The following NCOA7 variants were observed in gnomAD, a reference collection of about 807,000 sequenced individuals.
NCOA7 encodes 140 kDa estrogen receptor-associated protein.
Under a neutral mutation model 104.3 loss-of-function variants are expected in NCOA7, and 45 were observed. That is an observed-to-expected ratio of 0.43 (90% CI 0.34 to 0.55). NCOA7 has a LOEUF of 0.55. Ranked by LOEUF, NCOA7 falls within the 20% of genes least tolerant of loss-of-function variation. NCOA7 has a pLI of 0.02. For synonymous variants in NCOA7, 398 were observed against 402.3 expected (o/e 0.99, Z 0.13); for missense variants, 1,041 against 1,119.7 (o/e 0.93, Z 1.00).
intron 2 of NCOA7, among the ~76,000 whole-genome samples, chr6:125,854,475 G>A (rs1781385196): frequency 6.6e-6 from 1 of 152,140 alleles, no homozygotes; most frequent in Non-Finnish European, 1.5e-5. Flanking sequence ...TTTAGGAAAT[G>A]CAGCTCTTTC....
At chr6:125,919,524 A>G in intron 11 of NCOA7, 1 of 1,267,754 alleles carries the variant, frequency 7.9e-7, no homozygotes, top group Non-Finnish European at 1.1e-6. Flanking sequence ...TCTAATTAGA[A>G]AGGATTGTGC....
At chr6:125,784,781 CCAAT>C (rs1774381334) in intron 1 of NCOA7, among the ~76,000 whole-genome samples, 2 of 152,084 alleles carry the variant, frequency 1.3e-5, no homozygotes, top group Non-Finnish European at 2.9e-5. Context: ...AGGAAAAAAG[CCAAT>C]CTAAAAGGTT....
At chr6:125,793,845 A>G (rs1775066194) in intron 1 of NCOA7, among the ~76,000 whole-genome samples, 1 of 152,200 alleles carries the variant, frequency 6.6e-6, no homozygotes, top group Admixed American at 6.5e-5. Flanking sequence ...ATAAAGAGTG[A>G]TTGTTGTCTA....
At chr6:125,903,389 A>G (rs1175071527) in intron 10 of NCOA7, among the ~76,000 whole-genome samples, 1 of 152,018 alleles carries the variant, frequency 6.6e-6, no homozygotes, top group Non-Finnish European at 1.5e-5. Context: ...TTTCTAGTTG[A>G]TCCTGTCTCT....
chr6:125,887,466 A>G (rs1262714292), intron 8 of NCOA7, among the ~76,000 whole-genome samples: 1 of 152,244 alleles, frequency 6.6e-6, no homozygotes, highest in Non-Finnish European at 1.5e-5. Flanking sequence ...TGTATTTCAG[A>G]ATATAGCACT....
At chr6:125,868,769 TTTGCCTC>T in intron 3 of NCOA7, among the ~76,000 whole-genome samples, 1 of 152,328 alleles carries the variant, frequency 6.6e-6, no homozygotes, top group South Asian at 2.1e-4. Context: ...ACAGACAATT[TTTGCCTC>T]TTTGAATTCC....
chr6:125,833,576 A>AAAAGG (rs1294690857), intron 2 of NCOA7, among the ~76,000 whole-genome samples: 1 of 141,704 alleles, frequency 7.1e-6, no homozygotes, highest in Non-Finnish European at 1.5e-5. Context: ...CTGTCAAAAG[A>AAAAGG]AAAGGAAAGG....
chr6:125,797,204 A>T (rs1775419925), intron 1 of NCOA7, among the ~76,000 whole-genome samples: 1 of 152,192 alleles, frequency 6.6e-6, no homozygotes, highest in Non-Finnish European at 1.5e-5. Flanking sequence ...AAAGGATTGA[A>T]CATTGACCCT....
At chr6:125,830,737 A>ATGTGTGTGTGTGTGTGTGTGTGTGTGTG (rs890797445) in intron 2 of NCOA7, among the ~76,000 whole-genome samples, 1 of 93,046 alleles carries the variant, frequency 1.1e-5, no homozygotes, top group African/African-American at 4.4e-5. Context: ...ATATATATAT[A>ATGTGTGTGTGTGTGTGTGTGTGTGTGTG]TGTGTGTGTG....
intron 10 of NCOA7, 25 bp downstream of exon 10, chr6:125,890,835 T>A: frequency 1.3e-6 from 2 of 1,506,738 alleles, no homozygotes; most frequent in Non-Finnish European, 1.8e-6. Flanking sequence ...CAATGGAAAG[T>A]CTGTGGGTCT....
chr6:125,824,046 A>T (rs1562836437), intron 2 of NCOA7, among the ~76,000 whole-genome samples: 1 of 152,040 alleles, frequency 6.6e-6, no homozygotes, highest in African/African-American at 2.4e-5. Context: ...AATTGTTAGC[A>T]TATTGGGAGT....
chr6:125,876,601 T>TAA (rs202233696), intron 4 of NCOA7, among the ~76,000 whole-genome samples: 15 of 129,652 alleles, frequency 1.2e-4, no homozygotes, highest in African/African-American at 2.6e-4. Flanking sequence ...GTAGTGACAG[T>TAA]AAAAAAAAAA....
Position 125,893,505 on chromosome 6 carries a change from C to T in NCOA7, c.2096+2695C>T, listed in dbSNP as rs570591275. Among the ~76,000 whole-genome samples the T allele has an allele frequency of 3.3e-5, 5 of 152,118 alleles. No individual in the cohort carries two copies. In the South Asian group the frequency reaches 1.0e-3, roughly 32 times the overall value. ...TACTAAAAAGTTAACTGTACCAAAT[C>T]TCTCCTTCTTTATTTACAATGTACC... On this transcript the variant is annotated intron_variant, in intron 10 of 15. Transcript: ENST00000392477.
intron 10 of NCOA7, among the ~76,000 whole-genome samples, chr6:125,902,832 T>C (rs1425848237): frequency 6.6e-6 from 1 of 152,310 alleles, no homozygotes; most frequent in East Asian, 1.9e-4. Context: ...TATGTGACCT[T>C]GGGTGACTTA....
At chr6:125,845,810 C>T (rs1163582252) in intron 2 of NCOA7, among the ~76,000 whole-genome samples, 1 of 152,080 alleles carries the variant, frequency 6.6e-6, no homozygotes, top group Non-Finnish European at 1.5e-5. Flanking sequence ...ACTCATTGAC[C>T]AACCGTTTTC....
chr6:125,916,837 A>G (rs2128691761), intron 11 of NCOA7, among the ~76,000 whole-genome samples: 1 of 152,360 alleles, frequency 6.6e-6, no homozygotes, highest in East Asian at 1.9e-4. Context: ...ATCTGTGTCC[A>G]TGTATAAGTG....
chr6:125,917,313 G>A (rs1459921088), intron 11 of NCOA7, among the ~76,000 whole-genome samples: 2 of 152,070 alleles, frequency 1.3e-5, no homozygotes, highest in African/African-American at 4.8e-5. Context: ...CTTTTTCTCT[G>A]CTCCTCCTAC....
At chr6:125,907,506 T>C (rs1234566699) in intron 10 of NCOA7, among the ~76,000 whole-genome samples, 1 of 152,232 alleles carries the variant, frequency 6.6e-6, no homozygotes, top group East Asian at 1.9e-4. Context: ...CTGAGCTGCA[T>C]GTGCCCTAAG....
At chr6:125,909,014 C>T (rs1389945719) in intron 10 of NCOA7, among the ~76,000 whole-genome samples, 3 of 152,186 alleles carry the variant, frequency 2.0e-5, no homozygotes, top group African/African-American at 7.2e-5. Context: ...TCCTTTTTCA[C>T]TCGGTGTCTA....
Sources: allele counts gnomAD v4.1 joint callset (sites outside exome capture counted in the v4.1 genomes callset), GRCh38; gene constraint gnomAD v4.1.1; transcripts MANE v1.5; gene names NCBI Gene and HGNC (gene_info 2026-07-23, HGNC 2026-07-21).